Variants in DNM3 observed in about 807,000 individuals in gnomAD.
The protein encoded by DNM3 is dynamin-3.
In DNM3, 47 loss-of-function variants were observed where a neutral mutation model predicts 101.6. The observed-to-expected ratio is 0.46, with a 90% confidence interval of 0.37 to 0.59. The LOEUF (loss-of-function observed/expected upper bound fraction) is 0.59, where lower values mean the gene tolerates loss of function less well. Among genes scored for constraint, DNM3 ranks in the 20% least tolerant of loss-of-function variants. The pLI is 0.00. For synonymous variants in DNM3, 385 were observed against 387.9 expected, an observed-to-expected ratio of 0.99 and a Z score of 0.09; for missense variants, 849 against 1,085.7, an observed-to-expected ratio of 0.78 and a Z score of 3.06.
chr1:171,924,810 T>A (rs2040431859), intron 2 of DNM3, among the ~76,000 whole-genome samples: 1 of 152,232 alleles, frequency 6.6e-6, no homozygotes, highest in African/African-American at 2.4e-5. Flanking sequence ...TCTCTGATGA[T>A]TAATGATGTT....
intron 2 of DNM3, among the ~76,000 whole-genome samples, chr1:171,955,598 A>G (rs2042801885): frequency 6.6e-6 from 1 of 152,236 alleles, no homozygotes; most frequent in Non-Finnish European, 1.5e-5. Context: ...TTCCATTCCC[A>G]TAACTATAAC....
chr1:172,390,633 A>G (rs1229028551), intron 20 of DNM3, among the ~76,000 whole-genome samples: 2 of 152,244 alleles, frequency 1.3e-5, no homozygotes, highest in Non-Finnish European at 2.9e-5. Context: ...ACTGCACTGT[A>G]GTATTCAAAA....
At chr1:171,928,531 G>A (rs542476331) in intron 2 of DNM3, among the ~76,000 whole-genome samples, 2 of 152,164 alleles carry the variant, frequency 1.3e-5, no homozygotes, top group African/African-American at 4.8e-5. Flanking sequence ...TCCCTGTCTG[G>A]TGATGAGCAC....
chr1:172,135,986 A>G (rs1277406966), intron 14 of DNM3, among the ~76,000 whole-genome samples: 2 of 152,116 alleles, frequency 1.3e-5, no homozygotes, highest in Non-Finnish European at 2.9e-5. Flanking sequence ...TTCTATTTCT[A>G]TAGCCCAGTG....
chr1:172,110,828 G>T (rs1220775186), intron 13 of DNM3, among the ~76,000 whole-genome samples: 1 of 152,186 alleles, frequency 6.6e-6, no homozygotes, highest in African/African-American at 2.4e-5. Context: ...TTGAGCCCAG[G>T]AGTTGGAGAC....
intron 2 of DNM3, among the ~76,000 whole-genome samples, chr1:171,953,306 T>C (rs1191726819): frequency 6.6e-6 from 1 of 152,200 alleles, no homozygotes; most frequent in African/African-American, 2.4e-5. Flanking sequence ...TTAAGATAAT[T>C]ACATTTATGA....
chr1:171,944,316 T>G lies in DNM3; in HGVS notation c.235+22495T>G, dbSNP rs149008106. ...TGGGTTGGATTTAGCTCAGAGGCCA[T>G]ATTTTGCCAACTTTTAAACAATGTA... is the stretch of plus-strand genomic sequence containing the variant. On this transcript the variant is annotated intron_variant, in intron 2 of 20. Coordinates refer to ENST00000627582, the MANE Select transcript of DNM3 (RefSeq NM_015569.5). Among the ~76,000 whole-genome samples the G allele has an allele frequency of 2.3e-3, 349 of 152,134 alleles. 3 individuals are homozygous for G. The highest frequency in any genetic ancestry group is 8.2e-3 in the African/African-American group (340 of 41,538).
intron 17 of DNM3, among the ~76,000 whole-genome samples, chr1:172,372,674 ATTTTTTT>A (rs71107346): frequency 1.9e-4 from 15 of 79,006 alleles, no homozygotes; most frequent in Non-Finnish European, 2.8e-4. Context: ...CTTGTAATTA[ATTTTTTT>A]TTTTTTTTTT....
At chr1:171,877,710 T>TA (rs1001565446) in intron 1 of DNM3, among the ~76,000 whole-genome samples, 10 of 151,854 alleles carry the variant, frequency 6.6e-5, no homozygotes, top group South Asian at 6.2e-4. Flanking sequence ...AATGGAGAGT[T>TA]AAAAAAAAAC....
intron 16 of DNM3, among the ~76,000 whole-genome samples, chr1:172,319,564 G>C (rs2065587119): frequency 6.6e-6 from 1 of 152,146 alleles, no homozygotes; most frequent in Non-Finnish European, 1.5e-5. Flanking sequence ...ATCAAAAAGT[G>C]GGCAAAGGAT....
At chr1:172,312,506 T>C (rs1160829097) in intron 16 of DNM3, among the ~76,000 whole-genome samples, 1 of 152,244 alleles carries the variant, frequency 6.6e-6, no homozygotes, top group African/African-American at 2.4e-5. Flanking sequence ...CTTTTTAAAA[T>C]ACATTCTCAC....
At chr1:172,196,135 C>A (rs563051288) in intron 14 of DNM3, among the ~76,000 whole-genome samples, 1 of 151,550 alleles carries the variant, frequency 6.6e-6, no homozygotes, top group Non-Finnish European at 1.5e-5. Context: ...TAGCTCCCAC[C>A]GATAAGTGAG....
intron 4 of DNM3, among the ~76,000 whole-genome samples, chr1:171,999,982 A>G (rs1437146918): frequency 1.3e-5 from 2 of 152,116 alleles, no homozygotes; most frequent in African/African-American, 4.8e-5. Flanking sequence ...CTGTGAGACA[A>G]CAAATTCCTG....
intron 10 of DNM3, among the ~76,000 whole-genome samples, chr1:172,065,714 C>A (rs971883302): frequency 2.0e-5 from 3 of 152,006 alleles, no homozygotes; most frequent in Non-Finnish European, 4.4e-5. Flanking sequence ...CTCATGGAGA[C>A]GCTGGTGATG....
At chr1:172,302,136 C>T (rs539538731) in intron 15 of DNM3, among the ~76,000 whole-genome samples, 35 of 151,452 alleles carry the variant, frequency 2.3e-4, no homozygotes, top group Non-Finnish European at 3.5e-4. Context: ...CCGTGACAGA[C>T]TATACCTGGA....
rs549416345 is a variant in DNM3, at chr1:171,995,103, T to G, written c.589+5955T>G. Among the ~76,000 whole-genome samples, 75 of 143,556 alleles carry G rather than the reference T, an allele frequency of 5.2e-4. No homozygotes were observed. The East Asian group carries it at 0.01, about 20-fold the overall frequency. 94.2% of individuals were successfully genotyped at this position (143,556 alleles called of 152,430 possible). ...GTTCTTACTGAAATCCAGGTTTTTT[T>G]TTTTTTTTTTTTTTTTTTGAGATGG... On this transcript the variant is annotated intron_variant, in intron 4 of 20. Transcript: ENST00000627582.
At chr1:172,270,209 A>G (rs1339370727) in intron 15 of DNM3, among the ~76,000 whole-genome samples, 1 of 151,718 alleles carries the variant, frequency 6.6e-6, no homozygotes, top group Admixed American at 6.6e-5. Context: ...ACCATATACT[A>G]TCCTGACATT....
At chr1:172,080,746 C>T (rs1293034080) in intron 11 of DNM3, among the ~76,000 whole-genome samples, 1 of 152,148 alleles carries the variant, frequency 6.6e-6, no homozygotes, top group African/African-American at 2.4e-5. Flanking sequence ...AACCCTGGGC[C>T]CTTGTGGTGT....
At chr1:171,901,197 G>A (rs964747109) in intron 1 of DNM3, among the ~76,000 whole-genome samples, 4 of 151,280 alleles carry the variant, frequency 2.6e-5, no homozygotes, top group South Asian at 2.1e-4. Context: ...CCCACCTGCC[G>A]GAATTGAGAA....
Sources: allele counts gnomAD v4.1 joint callset (sites outside exome capture counted in the v4.1 genomes callset), GRCh38; gene constraint gnomAD v4.1.1; transcripts MANE v1.5; gene names NCBI Gene and HGNC (gene_info 2026-07-23, HGNC 2026-07-21).